The following EFNA5 variants were observed in gnomAD, a reference collection of about 807,000 sequenced individuals.
The protein encoded by EFNA5 is ephrin-A5.
In EFNA5, 5 loss-of-function variants were observed where a neutral mutation model predicts 22.9. That is an observed-to-expected ratio of 0.22 (90% CI 0.11 to 0.46). The LOEUF (loss-of-function observed/expected upper bound fraction) is 0.46, where lower values mean the gene tolerates loss of function less well. Ranked by LOEUF, EFNA5 falls within the 20% of genes least tolerant of loss-of-function variation. EFNA5 has a pLI of 0.99. For synonymous variants in EFNA5, 113 were observed against 112.2 expected, an observed-to-expected ratio of 1.01 and a Z score of -0.04; for missense variants, 237 against 293.3, an observed-to-expected ratio of 0.81 and a Z score of 1.40.
chr5:107,390,199 T>C (rs1212084630), intron 2 of EFNA5, among the ~76,000 whole-genome samples: 2 of 152,206 alleles, frequency 1.3e-5, no homozygotes, highest in Admixed American at 6.5e-5. Context: ...TGAAAACGTT[T>C]TCCATGTAGT....
intron 1 of EFNA5, among the ~76,000 whole-genome samples, chr5:107,511,520 AAAAT>A (rs1397151960): frequency 1.3e-5 from 2 of 152,352 alleles, no homozygotes; most frequent in African/African-American, 4.8e-5. Context: ...TTTTAATAAT[AAAAT>A]AAATGGTATC....
intron 1 of EFNA5, among the ~76,000 whole-genome samples, chr5:107,549,183 G>A (rs1748232299): frequency 6.6e-6 from 1 of 152,122 alleles, no homozygotes; most frequent in African/African-American, 2.4e-5. Flanking sequence ...AGCCCAAATT[G>A]TAATTGATTT....
rs33964723 is a variant in EFNA5 at position 107,386,148 on chromosome 5, C to CAAAAA, written c.565+1082_565+1086dup. On this transcript the variant is annotated intron_variant, in intron 4 of 4. Coordinates refer to ENST00000333274, the MANE Select transcript of EFNA5 (RefSeq NM_001962.3). ...AGGACCATAAGGAAGAGAAATTCTA[C>CAAAAA]AAAAAAAAAAAAAAAAAAAAAAATT... Among the ~76,000 whole-genome samples the CAAAAA allele has an allele frequency of 2.1e-3, 157 of 75,272 alleles. 1 individual carries two copies. Among genetic ancestry groups the CAAAAA allele is most frequent in the African/African-American group, 2.4e-3 (46 of 19,024 alleles). 49.4% of individuals were successfully genotyped at this position (75,272 alleles called of 152,430 possible). A position where few individuals can be genotyped will look rare whatever the true frequency, so the allele number is the denominator to read the frequency against.
intron 1 of EFNA5, among the ~76,000 whole-genome samples, chr5:107,458,722 C>T (rs931178434): frequency 2.6e-5 from 4 of 152,168 alleles, no homozygotes; most frequent in African/African-American, 4.8e-5. Context: ...TGCATTGAAC[C>T]GCTGTCTATC....
chr5:107,536,804 A>G (rs1747937867), intron 1 of EFNA5, among the ~76,000 whole-genome samples: 2 of 152,190 alleles, frequency 1.3e-5, no homozygotes, highest in South Asian at 4.1e-4. Flanking sequence ...TATACTCAAT[A>G]GGATAAGAAG....
At chr5:107,577,926 T>C (rs1443676694) in intron 1 of EFNA5, among the ~76,000 whole-genome samples, 1 of 152,150 alleles carries the variant, frequency 6.6e-6, no homozygotes, top group Non-Finnish European at 1.5e-5. Context: ...CTTCCTGAAA[T>C]CTTAGGTTAT....
At position 107,521,469 on chromosome 5, in the gene EFNA5, TA is replaced by T. The variant is rs1419579211; in HGVS notation, c.126-93961del. ...CACCACACCTGGCTATATATATATA[TA>T]TATATATTTTTTTTTTTTTTTGGAG... On this transcript the variant is annotated intron_variant, in intron 1 of 4. Transcript: ENST00000333274. 2.1e-4 allele frequency among the ~76,000 whole-genome samples: 27 copies of T among 130,790 alleles called. No homozygotes were observed. In the South Asian group the frequency reaches 4.3e-3, roughly 21 times the overall value. The allele number at this position is 130,790 out of a possible 152,430, so 85.8% of individuals were successfully genotyped here.
chr5:107,586,584 C>T (rs939645769), intron 1 of EFNA5, among the ~76,000 whole-genome samples: 2 of 152,060 alleles, frequency 1.3e-5, no homozygotes, highest in East Asian at 3.8e-4. Flanking sequence ...TTTTATTACC[C>T]CTCTACCCAA....
chr5:107,503,414 A>C (rs1747179818), intron 1 of EFNA5, among the ~76,000 whole-genome samples: 1 of 152,208 alleles, frequency 6.6e-6, no homozygotes, highest in Admixed American at 6.5e-5. Flanking sequence ...ATCATTAAGG[A>C]TTCTGAATAA....
chr5:107,386,124 G>C (rs1237551059), intron 4 of EFNA5, among the ~76,000 whole-genome samples: 1 of 111,636 alleles, frequency 9.0e-6, no homozygotes, highest in Non-Finnish European at 1.7e-5. Context: ...TTAGTTTCTA[G>C]GACCATAAGG....
chr5:107,579,486 C>T (rs1001829051), intron 1 of EFNA5, among the ~76,000 whole-genome samples: 22 of 151,288 alleles, frequency 1.5e-4, no homozygotes, highest in African/African-American at 5.4e-4. Context: ...AACTGCATGA[C>T]AGACAAGAGG....
intron 1 of EFNA5, among the ~76,000 whole-genome samples, chr5:107,503,226 T>C (rs900820762): frequency 6.6e-6 from 1 of 152,218 alleles, no homozygotes; most frequent in African/African-American, 2.4e-5. Context: ...TTGGTAAAAT[T>C]GTCACCAGTT....
intron 1 of EFNA5, among the ~76,000 whole-genome samples, chr5:107,622,707 T>C (rs1750059337): frequency 6.6e-6 from 1 of 152,072 alleles, no homozygotes; most frequent in African/African-American, 2.4e-5. Flanking sequence ...TGAATTTCAG[T>C]AATAGACGTG....
chr5:107,545,188 T>A (rs1748120787), intron 1 of EFNA5, among the ~76,000 whole-genome samples: 1 of 152,260 alleles, frequency 6.6e-6, no homozygotes, highest in South Asian at 2.1e-4. Flanking sequence ...TTCACAAACA[T>A]TACCTGCCTG....
chr5:107,639,330 G>A (rs1222133954), intron 1 of EFNA5, among the ~76,000 whole-genome samples: 1 of 152,218 alleles, frequency 6.6e-6, no homozygotes, highest in South Asian at 2.1e-4. Context: ...AGCAGCAGAA[G>A]CTCAGTGAAG....
chr5:107,559,753 C>T (rs879652525), intron 1 of EFNA5, among the ~76,000 whole-genome samples: 2 of 152,250 alleles, frequency 1.3e-5, no homozygotes, highest in Admixed American at 1.3e-4. Context: ...AGTAAAATTG[C>T]TGAAAGAAAA....
chr5:107,508,687 A>G (rs1747300452), intron 1 of EFNA5, among the ~76,000 whole-genome samples: 1 of 152,242 alleles, frequency 6.6e-6, no homozygotes, highest in African/African-American at 2.4e-5. Context: ...AGTGTAAGTC[A>G]AGCTTGAACC....
chr5:107,595,617 A>G (rs11952039), intron 1 of EFNA5, among the ~76,000 whole-genome samples: 24,273 of 152,214 alleles, frequency 0.16, 4,960 homozygotes, highest in African/African-American at 0.48. Context: ...AAATCATAAA[A>G]CTTATTTAGA....
At chr5:107,449,601 G>T (rs1203321183) in intron 1 of EFNA5, among the ~76,000 whole-genome samples, 5 of 151,714 alleles carry the variant, frequency 3.3e-5, no homozygotes, top group Admixed American at 2.0e-4. Flanking sequence ...AAAAACCAGT[G>T]AGGTCACCAT....
Sources: gnomAD v4.1 joint callset for allele counts (sites outside exome capture counted in the v4.1 genomes callset) on GRCh38, gnomAD v4.1.1 for gene constraint, MANE v1.5 for transcripts, NCBI Gene and HGNC (gene_info 2026-07-23, HGNC 2026-07-21) for gene names.